NAT1: variants seen among roughly 807,000 people sequenced by gnomAD.
NAT1 encodes arylamine N-acetyltransferase 1.
For missense variants in NAT1, 400 were observed against 339.2 expected (o/e 1.18, Z -1.41); for synonymous variants, 144 against 122.6 (o/e 1.17, Z -1.16).
Position 18,221,104 on chromosome 8 carries a change from T to C in NAT1, c.-6-938T>C, listed in dbSNP as rs145731412. On this transcript the variant is annotated intron_variant, in intron 2 of 2. Transcript: ENST00000307719. The stretch of plus-strand genomic sequence containing the variant: ...TTAGCTCCAAGGCTGCAGTTGCCTG[T>C]CAGATCTCATCTCAGTCCACTCTCC... 2.6e-5 allele frequency among the ~76,000 whole-genome samples: 4 copies of C among 152,348 alleles called. No individual in the cohort carries two copies. The East Asian group carries it at 7.7e-4, about 29-fold the overall frequency.
At position 18,218,107 on chromosome 8, in the gene NAT1, C is replaced by T. The variant is rs1351591951; in HGVS notation, c.-85-1304C>T. ...GAAGCTAAAAGGAGTTTTACCGTTT[C>T]CTGCTCTTTATTCCAGTGTTTTCTC... On this transcript the variant is annotated intron_variant, in intron 1 of 2. Transcript: ENST00000307719. 2.0e-5 allele frequency among the ~76,000 whole-genome samples: 3 copies of T among 152,278 alleles called. No individual in the cohort carries two copies. In the East Asian group the frequency reaches 5.8e-4, roughly 29 times the overall value.
chr8:18,185,211 T>C (rs1365186875), intron 2 of NAT1, among the ~76,000 whole-genome samples: 1 of 152,168 alleles, frequency 6.6e-6, no homozygotes, highest in Non-Finnish European at 1.5e-5. Flanking sequence ...ATTTTTTCTA[T>C]TCTCTTGAAA....
At chr8:18,208,181 A>C (rs986422140), upstream of NAT1, among the ~76,000 whole-genome samples, 3 of 152,118 alleles carry the variant, frequency 2.0e-5, no homozygotes, top group Non-Finnish European at 4.4e-5. Flanking sequence ...TGATGGGCTT[A>C]ATACTTAGAT....
intron 2 of NAT1, among the ~76,000 whole-genome samples, chr8:18,197,535 G>T (rs1803286235): frequency 6.6e-6 from 1 of 152,194 alleles, no homozygotes; most frequent in South Asian, 2.1e-4. Flanking sequence ...GCACACGACA[G>T]CCCGTCACAA....
At position 18,180,988 on chromosome 8, in the gene NAT1, G is replaced by A. The variant is rs138715540; in HGVS notation, n.92+10249G>A. ...GTCTGGATTGCTTTAGCTATTCAGG[G>A]TCTTTTGTAGTTCTATACACATTTT... is the stretch of plus-strand genomic sequence containing the variant. On this transcript the variant is annotated intron_variant and non_coding_transcript_variant, in intron 2 of 4. Coordinates refer to the NAT1 transcript ENST00000517441. Among the ~76,000 whole-genome samples, 491 of 152,062 alleles carry A rather than the reference G, an allele frequency of 3.2e-3. 3 individuals carry two copies. Among genetic ancestry groups the A allele is most frequent in the African/African-American group, 0.011 (471 of 41,510 alleles).
chr8:18,192,342 A>C (rs1803026782), intron 2 of NAT1, among the ~76,000 whole-genome samples: 1 of 152,216 alleles, frequency 6.6e-6, no homozygotes, highest in South Asian at 2.1e-4. Context: ...AGGAAACTAC[A>C]GGTGCTGGAG....
In NAT1 at chr8:18,185,128, C is replaced by T. The variant is rs530447154; in HGVS notation, n.92+14389C>T. On this transcript the variant is annotated intron_variant and non_coding_transcript_variant, in intron 2 of 4. Coordinates refer to the NAT1 transcript ENST00000517441. ...AGTGATTGTTCTGTAATTTTTCCTT[C>T]GGGAATGTCCGTATCAAGTTTGTGT... Among the ~76,000 whole-genome samples, 11 of 152,062 alleles carry T rather than the reference C, an allele frequency of 7.2e-5. No individual in the cohort carries two copies. The East Asian group carries it at 1.7e-3, about 24-fold the overall frequency.
intron 1 of NAT1, among the ~76,000 whole-genome samples, chr8:18,218,421 G>A (rs571046101): frequency 6.6e-6 from 1 of 152,126 alleles, no homozygotes; most frequent in African/African-American, 2.4e-5. Flanking sequence ...AGCTTGCGGC[G>A]GGGGAGCTGA....
At chr8:18,183,764 T>G (rs1456716720) in intron 2 of NAT1, among the ~76,000 whole-genome samples, 1 of 152,160 alleles carries the variant, frequency 6.6e-6, no homozygotes, top group Non-Finnish European at 1.5e-5. Context: ...ATTCCTATTC[T>G]AAAAGGGAGG....
intron 2 of NAT1, among the ~76,000 whole-genome samples, chr8:18,188,478 C>A (rs1286672243): frequency 6.6e-6 from 1 of 151,956 alleles, no homozygotes; most frequent in Non-Finnish European, 1.5e-5. Context: ...TTAGTTATAA[C>A]TTTATTAGCT....
At chr8:18,190,310 C>T (rs1023391278) in intron 2 of NAT1, among the ~76,000 whole-genome samples, 2 of 152,298 alleles carry the variant, frequency 1.3e-5, no homozygotes, top group Non-Finnish European at 2.9e-5. Flanking sequence ...TGTCCTTGGG[C>T]TGTATGTCTC....
Position 18,219,429 on chromosome 8 carries a change from G to A in NAT1, c.-67G>A. 6.5e-7 allele frequency: 1 copy of A among 1,550,052 alleles called. No individual in the cohort carries two copies. The highest frequency in any genetic ancestry group is 8.7e-7 in the Non-Finnish European group (1 of 1,146,142). On this transcript the variant is annotated 5_prime_UTR_variant, in exon 2 of 3. Transcript: ENST00000307719. ...TTTCTAGAATTCAAGCCAGGAAGAA[G>A]CAGCAATCTGTCTTCTGGATTAAAA... is the stretch of plus-strand genomic sequence containing the variant.
At chr8:18,177,749 G>C (rs1211042482) in intron 2 of NAT1, among the ~76,000 whole-genome samples, 3 of 152,110 alleles carry the variant, frequency 2.0e-5, no homozygotes, top group Non-Finnish European at 4.4e-5. Flanking sequence ...AGAAGTCTTA[G>C]TTTTCAGTTT....
At chr8:18,218,137 CCT>C (rs1160955992) in intron 1 of NAT1, among the ~76,000 whole-genome samples, 1 of 152,064 alleles carries the variant, frequency 6.6e-6, no homozygotes, top group Admixed American at 6.6e-5. Flanking sequence ...TTTCTCTTCT[CCT>C]CTATTATTTC....
chr8:18,206,785 T>C (rs1803744284), upstream of NAT1, among the ~76,000 whole-genome samples: 1 of 152,204 alleles, frequency 6.6e-6, no homozygotes, highest in Admixed American at 6.5e-5. Flanking sequence ...CTGATGACAG[T>C]TTCTTTTGCT....
intron 1 of NAT1, chr8:18,216,812 A>T: frequency 1.1e-6 from 1 of 945,752 alleles, no homozygotes; most frequent in Non-Finnish European, 1.6e-6. Context: ...GAAGGGTCTC[A>T]ATAGGATGTG....
chr8:18,204,003 A>G (rs1382497119), intron 2 of NAT1, among the ~76,000 whole-genome samples: 1 of 152,120 alleles, frequency 6.6e-6, no homozygotes, highest in Admixed American at 6.5e-5. Flanking sequence ...CCACTTGCAT[A>G]AGAAAATTAG....
intron 2 of NAT1, among the ~76,000 whole-genome samples, chr8:18,197,945 T>G (rs1484925902): frequency 6.6e-6 from 1 of 151,492 alleles, no homozygotes; most frequent in Non-Finnish European, 1.5e-5. Flanking sequence ...AGAACTAAAA[T>G]CATTTATATA....
At chr8:18,175,376 C>T (rs1161750542) in intron 2 of NAT1, among the ~76,000 whole-genome samples, 1 of 152,054 alleles carries the variant, frequency 6.6e-6, no homozygotes, top group Non-Finnish European at 1.5e-5. Context: ...ATCCCTCCTC[C>T]TCTCCCCTAG....
Sources: gnomAD v4.1 joint callset for allele counts (sites outside exome capture counted in the v4.1 genomes callset) on GRCh38, gnomAD v4.1.1 for gene constraint, MANE v1.5 for transcripts, NCBI Gene and HGNC (gene_info 2026-07-23, HGNC 2026-07-21) for gene names.